Variants in MIS18A observed in about 807,000 individuals in gnomAD.
MIS18A encodes MIS18 kinetochore protein A.
MIS18A carries 14 observed loss-of-function variants against 25.0 expected under a neutral mutation model. The ratio of observed to expected loss-of-function variants is 0.56; its 90% CI spans 0.37 to 0.88. The LOEUF (loss-of-function observed/expected upper bound fraction) is 0.88, where lower values mean the gene tolerates loss of function less well. Ranked by LOEUF, MIS18A falls within the 40% of genes least tolerant of loss-of-function variation. MIS18A has a pLI of 0.00. For missense variants in MIS18A, 292 were observed against 290.8 expected (o/e 1.00, Z -0.03); for synonymous variants, 134 against 118.6 (o/e 1.13, Z -0.84).
At chr21:32,221,397 G>A in the MIS18A span, among the ~76,000 whole-genome samples, 1 of 152,222 alleles carries the variant, frequency 6.6e-6, no homozygotes, top group South Asian at 2.1e-4. Context: ...ATAAGTAAAG[G>A]AGAAATAAAA....
intron 2 of MIS18A, among the ~76,000 whole-genome samples, chr21:32,271,224 A>C (rs1569014319): frequency 6.6e-6 from 1 of 152,198 alleles, no homozygotes; most frequent in Non-Finnish European, 1.5e-5. Flanking sequence ...CCATTCTATA[A>C]ATATACTAAA....
the MIS18A span, among the ~76,000 whole-genome samples, chr21:32,181,112 A>C: frequency 6.6e-6 from 1 of 152,156 alleles, no homozygotes; most frequent in Admixed American, 6.5e-5. Context: ...GCATCATTCA[A>C]ATCACTGAAG....
intron 1 of MIS18A, 33 bp from the exon 2 acceptor site, chr21:32,274,929 A>T: frequency 6.4e-7 from 1 of 1,550,452 alleles, no homozygotes; most frequent in Non-Finnish European, 8.9e-7. Context: ...TAATTTATTA[A>T]TGTAGTTCGT....
At chr21:32,231,316 G>A in the MIS18A span, among the ~76,000 whole-genome samples, 1 of 149,230 alleles carries the variant, frequency 6.7e-6, no homozygotes, top group African/African-American at 2.5e-5. Context: ...CTTGTATCTA[G>A]GATATAAAGA....
At chr21:32,274,764 G>T in intron 2 of MIS18A, 66 bp downstream of exon 2, 3 of 1,256,808 alleles carry the variant, frequency 2.4e-6, no homozygotes, top group South Asian at 2.6e-5. Context: ...TACTAGTAAT[G>T]ACCTTTTAAA....
the MIS18A span, among the ~76,000 whole-genome samples, chr21:32,159,085 A>C: frequency 6.6e-6 from 1 of 152,166 alleles, no homozygotes; most frequent in Admixed American, 6.5e-5. Context: ...CCCTTAAATA[A>C]GGTTTGAATT....
chr21:32,162,221 C>T, the MIS18A span, among the ~76,000 whole-genome samples: 1 of 152,106 alleles, frequency 6.6e-6, no homozygotes, highest in Non-Finnish European at 1.5e-5. Flanking sequence ...TGATTCTTCC[C>T]GCCTCAAAAC....
the MIS18A span, among the ~76,000 whole-genome samples, chr21:32,187,872 A>T: frequency 6.6e-6 from 1 of 151,888 alleles, no homozygotes; most frequent in Admixed American, 6.6e-5. Flanking sequence ...GAAATTCCCA[A>T]CCCCCAGTGT....
chr21:32,170,508 G>A, the MIS18A span, among the ~76,000 whole-genome samples: 1 of 152,042 alleles, frequency 6.6e-6, no homozygotes, highest in Non-Finnish European at 1.5e-5. Context: ...AATTTCAGTA[G>A]AGGGGCTGAA....
the MIS18A span, among the ~76,000 whole-genome samples, chr21:32,200,161 T>C: frequency 3.3e-5 from 5 of 152,334 alleles, no homozygotes; most frequent in South Asian, 2.1e-4. Flanking sequence ...TATATCACTG[T>C]AGCGCAAAAG....
At chr21:32,262,498 T>TA in the MIS18A span, among the ~76,000 whole-genome samples, 1 of 152,200 alleles carries the variant, frequency 6.6e-6, no homozygotes, top group South Asian at 2.1e-4. Flanking sequence ...GGACAACGGT[T>TA]AATGGAGAGA....
the MIS18A span, among the ~76,000 whole-genome samples, chr21:32,212,762 G>A: frequency 2.0e-5 from 3 of 152,004 alleles, no homozygotes; most frequent in African/African-American, 7.2e-5. Flanking sequence ...CTGTTCTCAA[G>A]GTAGTGAAAA....
At chr21:32,247,322 C>G in the MIS18A span, among the ~76,000 whole-genome samples, 5 of 152,184 alleles carry the variant, frequency 3.3e-5, no homozygotes, top group Middle Eastern at 3.2e-3. Flanking sequence ...CAGCTCCAGG[C>G]ATCATCTCCC....
At chr21:32,263,211 A>T in the MIS18A span, among the ~76,000 whole-genome samples, 1 of 152,242 alleles carries the variant, frequency 6.6e-6, no homozygotes, top group African/African-American at 2.4e-5. Context: ...TGTACATAAC[A>T]TCAACTACTT....
rs894932722 is a variant in MIS18A at position 32,268,729 on chromosome 21, C to G, written c.*308G>C. On this transcript the variant is annotated 3_prime_UTR_variant, in exon 5 of 5. Coordinates refer to ENST00000290130, the MANE Select transcript of MIS18A (RefSeq NM_018944.3). ...AGTACCATAAAACGTCTTTAAAATG[C>G]GATTTTGAGAAACAATCACTTCTTT... is the stretch of plus-strand genomic sequence containing the variant. 4.4e-5 allele frequency: 9 copies of G among 205,962 alleles called. No homozygotes were observed. Among genetic ancestry groups the G allele is most frequent in the African/African-American group, 9.2e-5 (4 of 43,440 alleles). The allele number at this position is 205,962 out of a possible 1,614,324, so 12.8% of individuals were successfully genotyped here. A position where few individuals can be genotyped will look rare whatever the true frequency, so the allele number is the denominator to read the frequency against.
At chr21:32,199,084 G>A in the MIS18A span, among the ~76,000 whole-genome samples, 2 of 152,172 alleles carry the variant, frequency 1.3e-5, no homozygotes, top group East Asian at 3.9e-4. Flanking sequence ...AGCAAGGCGG[G>A]CATGGGGTCA....
chr21:32,253,235 C>T, the MIS18A span, among the ~76,000 whole-genome samples: 2 of 152,082 alleles, frequency 1.3e-5, no homozygotes, highest in African/African-American at 2.4e-5. Flanking sequence ...GGCTCTATGC[C>T]GCTTTGCGTG....
chr21:32,266,475 C>T (rs1167493477), downstream of MIS18A, among the ~76,000 whole-genome samples: 1 of 152,214 alleles, frequency 6.6e-6, no homozygotes, highest in Non-Finnish European at 1.5e-5. Context: ...TGCTACTGCT[C>T]ACTCTTTGGG....
At chr21:32,213,155 C>G in the MIS18A span, among the ~76,000 whole-genome samples, 1 of 152,122 alleles carries the variant, frequency 6.6e-6, no homozygotes, top group African/African-American at 2.4e-5. Flanking sequence ...TTTGGCCATC[C>G]CCCTTCTGGG....
Sources: allele counts gnomAD v4.1 joint callset (sites outside exome capture counted in the v4.1 genomes callset), GRCh38; gene constraint gnomAD v4.1.1; transcripts MANE v1.5; gene names NCBI Gene and HGNC (gene_info 2026-07-23, HGNC 2026-07-21).